PITPNC1: variants seen among roughly 807,000 people sequenced by gnomAD.
PITPNC1 encodes cytoplasmic phosphatidylinositol transfer protein 1.
PITPNC1 carries 18 observed loss-of-function variants against 44.7 expected under a neutral mutation model. The ratio of observed to expected loss-of-function variants is 0.40; its 90% CI spans 0.28 to 0.60. The LOEUF (loss-of-function observed/expected upper bound fraction) is 0.60, where lower values mean the gene tolerates loss of function less well. Ranked by LOEUF, PITPNC1 falls within the 20% of genes least tolerant of loss-of-function variation. PITPNC1 has a pLI of 0.39. For synonymous variants in PITPNC1, 141 were observed against 149.6 expected (o/e 0.94, Z 0.42); for missense variants, 290 against 418.4 (o/e 0.69, Z 2.68).
In PITPNC1 at chr17:67,385,971, C is replaced by G. The variant is rs564249023; in HGVS notation, c.48+7769C>G. 2.0e-5 allele frequency among the ~76,000 whole-genome samples: 3 copies of G among 152,226 alleles called. No individual in the cohort carries two copies. The South Asian group carries it at 6.2e-4, about 32-fold the overall frequency. ...GATCAGGGAAGCAAACTGTTGTTAA[C>G]AAAACCCTGGTTAAAAGTAGGTAGT... On this transcript the variant is annotated intron_variant, in intron 1 of 8. Coordinates refer to ENST00000581322, the MANE Select transcript of PITPNC1 (RefSeq NM_012417.4).
rs985251847 is a variant in PITPNC1, at chr17:67,645,534, A to C, written c.462+13296A>C. 4.6e-5 allele frequency among the ~76,000 whole-genome samples: 7 copies of C among 151,814 alleles called. No homozygotes were observed. The East Asian group carries it at 1.4e-3, about 29-fold the overall frequency. The stretch of plus-strand genomic sequence containing the variant: ...AGCTTTGCCTAAGAGAGCTCAACTT[A>C]CTGAGGTCAAGGTTTTAAACCACTT... On this transcript the variant is annotated intron_variant, in intron 6 of 8. Coordinates refer to ENST00000581322, the MANE Select transcript of PITPNC1 (RefSeq NM_012417.4).
chr17:67,563,733 G>C (rs1434126344), intron 4 of PITPNC1, among the ~76,000 whole-genome samples: 3 of 152,170 alleles, frequency 2.0e-5, no homozygotes, highest in African/African-American at 4.8e-5. Flanking sequence ...CCATGAATAA[G>C]TGTGATGTAT....
rs969315888 is a variant in PITPNC1 at position 67,676,714 on chromosome 17, A to G, written c.682+1172A>G. Among the ~76,000 whole-genome samples, 24 of 152,176 alleles carry G rather than the reference A, an allele frequency of 1.6e-4. No individual in the cohort carries two copies. The highest frequency in any genetic ancestry group is 5.6e-4 in the African/African-American group (23 of 41,436). ...TTTCTGAGCAGAAGGTACCAAAGTA[A>G]AAGGACACGTTAGACGGAAGGGGCA... is the stretch of plus-strand genomic sequence containing the variant. On this transcript the variant is annotated intron_variant, in intron 8 of 8. Coordinates refer to ENST00000581322, the MANE Select transcript of PITPNC1 (RefSeq NM_012417.4). This position sits in a 1 kb window ranked among gnomAD's most constrained non-coding sequence, Gnocchi z 4.0.
chr17:67,696,097 G>A lies in PITPNC1; in HGVS notation c.*3209G>A, dbSNP rs966101243. 1 of 152,142 alleles carries A rather than the reference G, an allele frequency of 6.6e-6. No homozygotes were observed. The highest frequency in any genetic ancestry group is 1.5e-5 in the Non-Finnish European group (1 of 68,032). The allele number at this position is 152,142 out of a possible 1,614,324, so 9.4% of individuals were successfully genotyped here. On this transcript the variant is annotated 3_prime_UTR_variant, in exon 9 of 9. Coordinates refer to ENST00000581322, the MANE Select transcript of PITPNC1 (RefSeq NM_012417.4). The stretch of plus-strand genomic sequence containing the variant: ...TTACGGTTTTGCATCTGTGTGTGAG[G>A]AAAATTTTAATTTATTTGGAAGTAT...
At chr17:67,435,096 G>A (rs188900150) in intron 1 of PITPNC1, among the ~76,000 whole-genome samples, 1,337 of 129,480 alleles carry the variant, frequency 0.01, 23 homozygotes, top group Non-Finnish European at 0.014. Flanking sequence ...GTGACAGAGC[G>A]AGACTCCATC....
At chr17:67,428,562 A>G (rs796752968) in intron 1 of PITPNC1, among the ~76,000 whole-genome samples, 15 of 151,640 alleles carry the variant, frequency 9.9e-5, no homozygotes, top group African/African-American at 3.6e-4. Context: ...AGAAAGAAAG[A>G]AAACATACTG....
At chr17:67,661,312 CACTT>C (rs1164447718) in intron 6 of PITPNC1, among the ~76,000 whole-genome samples, 1 of 152,088 alleles carries the variant, frequency 6.6e-6, no homozygotes, top group Non-Finnish European at 1.5e-5. Flanking sequence ...CCTTCAGACT[CACTT>C]ACTCCCTTCA....
At chr17:67,467,054 A>ATTTTTTTTTTTTTT (rs10623552) in intron 1 of PITPNC1, among the ~76,000 whole-genome samples, 1 of 95,344 alleles carries the variant, frequency 1.0e-5, no homozygotes, top group African/African-American at 3.9e-5. Flanking sequence ...CAGTTAGGAG[A>ATTTTTTTTTTTTTT]TTTTTTTTTT....
In PITPNC1 at chr17:67,503,605, A is replaced by C. The variant is rs1435435982; in HGVS notation, c.49-29197A>C. On this transcript the variant is annotated intron_variant, in intron 1 of 8. Coordinates refer to ENST00000581322, the MANE Select transcript of PITPNC1 (RefSeq NM_012417.4). ...AAAGCCATACAAATGATTAGCGTGC[A>C]TGGGAGGAAAATCACAAAGCGATTA... Among the ~76,000 whole-genome samples the C allele has an allele frequency of 2.6e-5, 4 of 152,210 alleles. No individual in the cohort carries two copies. The South Asian group carries it at 6.2e-4, about 24-fold the overall frequency.
chr17:67,408,593 T>C (rs1384860284), intron 1 of PITPNC1, among the ~76,000 whole-genome samples: 1 of 151,726 alleles, frequency 6.6e-6, no homozygotes, highest in African/African-American at 2.4e-5. Flanking sequence ...CCCTTTCCCT[T>C]TTCCTTTCCC....
intron 1 of PITPNC1, among the ~76,000 whole-genome samples, chr17:67,497,224 T>G (rs1231952429): frequency 1.5e-5 from 2 of 136,188 alleles, no homozygotes; most frequent in Admixed American, 7.3e-5. Context: ...ATAAACCTCC[T>G]TTTTTTTTTT....
At position 67,569,571 on chromosome 17, in the gene PITPNC1, G is replaced by T. The variant is rs569680624; in HGVS notation, c.295-8615G>T. 4.6e-5 allele frequency among the ~76,000 whole-genome samples: 7 copies of T among 152,302 alleles called. No individual in the cohort carries two copies. The East Asian group carries it at 1.2e-3, about 25-fold the overall frequency. On this transcript the variant is annotated intron_variant, in intron 4 of 8. Coordinates refer to ENST00000581322, the MANE Select transcript of PITPNC1 (RefSeq NM_012417.4). The stretch of plus-strand genomic sequence containing the variant: ...CCAGAATATCACTTTTCAATAAGAG[G>T]TTCATCCTGGTGGATTCCGTTGGGT...
chr17:67,625,923 T>C (rs2041889850), intron 5 of PITPNC1, among the ~76,000 whole-genome samples: 1 of 151,770 alleles, frequency 6.6e-6, no homozygotes, highest in Admixed American at 6.6e-5. Context: ...TTTCAGGATG[T>C]CTCCCAGAAT....
intron 1 of PITPNC1, chr17:67,471,556 AC>A (rs2039533043): frequency 2.6e-6 from 1 of 377,592 alleles, no homozygotes; most frequent in Admixed American, 3.7e-5. Flanking sequence ...AACCACAATT[AC>A]TTTTGCACCA....
At chr17:67,655,448 TA>T (rs1224155774) in intron 6 of PITPNC1, among the ~76,000 whole-genome samples, 1 of 150,028 alleles carries the variant, frequency 6.7e-6, no homozygotes, top group Non-Finnish European at 1.5e-5. Context: ...TGGTCCCAGC[TA>T]CTCGGGAGGC....
Position 67,540,852 on chromosome 17 carries a change from G to T in PITPNC1, c.197+7902G>T, listed in dbSNP as rs183096968. On this transcript the variant is annotated intron_variant, in intron 2 of 8. Transcript: ENST00000581322. Reference sequence around the variant, plus strand: ...ATTGGATTTTTTAAGCCAACATCTGGCTAAATATCTAGAAGATATCCTTTC... The same window carrying T: ...ATTGGATTTTTTAAGCCAACATCTGTCTAAATATCTAGAAGATATCCTTTC... Among the ~76,000 whole-genome samples the T allele has an allele frequency of 7.8e-4, 119 of 152,294 alleles. No individual in the cohort carries two copies. The Middle Eastern group carries it at 0.01, about 13-fold the overall frequency.
chr17:67,618,042 C>T (rs986251814), intron 5 of PITPNC1, among the ~76,000 whole-genome samples: 1 of 152,092 alleles, frequency 6.6e-6, no homozygotes, highest in African/African-American at 2.4e-5. Flanking sequence ...CCCAGCAGTC[C>T]TACTCCTGAC....
intron 1 of PITPNC1, among the ~76,000 whole-genome samples, chr17:67,425,213 A>AGGG (rs2038741421): frequency 9.3e-5 from 4 of 43,158 alleles, no homozygotes; most frequent in Non-Finnish European, 1.8e-4. Context: ...GCACACACAC[A>AGGG]CACACACACA....
At chr17:67,462,698 AT>A (rs34015766) in intron 1 of PITPNC1, among the ~76,000 whole-genome samples, 8,135 of 122,254 alleles carry the variant, frequency 0.067, 294 homozygotes, top group African/African-American at 0.13. Context: ...CACAATTGGA[AT>A]TTTTTTTTTT....
Sources: gnomAD v4.1 joint callset for allele counts (sites outside exome capture counted in the v4.1 genomes callset) on GRCh38, gnomAD v4.1.1 for gene constraint, Gnocchi (gnomAD v3.1) non-coding constraint, MANE v1.5 for transcripts, NCBI Gene and HGNC (gene_info 2026-07-23, HGNC 2026-07-21) for gene names.